Variants in ZNF568 observed in about 807,000 individuals in gnomAD.
ZNF568 encodes p53 inhibitor of SCO2 activation.
Under a neutral mutation model 18.1 loss-of-function variants are expected in ZNF568, and 11 were observed. That is an observed-to-expected ratio of 0.61 (90% CI 0.38 to 1.00). The LOEUF is 1.00. ZNF568 is among the 50% of genes least tolerant of loss of function. ZNF568 has a pLI of 0.01. For synonymous variants in ZNF568, 213 were observed against 246.6 expected, an observed-to-expected ratio of 0.86 and a Z score of 1.28; for missense variants, 639 against 768.2, an observed-to-expected ratio of 0.83 and a Z score of 1.99.
chr19:36,938,012 A>G (rs974886569), intron 6 of ZNF568, among the ~76,000 whole-genome samples: 2 of 151,836 alleles, frequency 1.3e-5, no homozygotes, highest in Non-Finnish European at 2.9e-5. Context: ...GCTATTTTTG[A>G]TTATTTATTT....
In ZNF568 at chr19:36,936,880, G is replaced by A. The variant is rs913371639; in HGVS notation, c.262+8G>A. Reference sequence around the variant, plus strand: ...GCAACCTAGTCACAGTGGGTAAGGTGGCTTGGTAGCCTTGCAATTTAACAG... The same window carrying A: ...GCAACCTAGTCACAGTGGGTAAGGTAGCTTGGTAGCCTTGCAATTTAACAG... On this transcript the variant is annotated splice_region_variant and intron_variant, in intron 5 of 6. Coordinates refer to ENST00000333987, the MANE Select transcript of ZNF568 (RefSeq NM_198539.4). The A allele has an allele frequency of 2.5e-6, 4 of 1,610,048 alleles. No homozygotes were observed. Among genetic ancestry groups the A allele is most frequent in the African/African-American group, 1.3e-5 (1 of 74,802 alleles).
chr19:36,997,595 G>A (rs891218514), downstream of ZNF568: 1 of 1,563,288 alleles, frequency 6.4e-7, no homozygotes, highest in Non-Finnish European at 8.6e-7. Flanking sequence ...TCAGAACTTA[G>A]TTGACACCAG....
At chr19:36,994,192 T>C (rs930408448) in intron 4 of ZNF568, among the ~76,000 whole-genome samples, 1 of 152,208 alleles carries the variant, frequency 6.6e-6, no homozygotes, top group Non-Finnish European at 1.5e-5. Flanking sequence ...GTATGTTATT[T>C]AATTTTCACG....
At chr19:36,927,858 G>GTATA (rs1280560215) in intron 4 of ZNF568, among the ~76,000 whole-genome samples, 9 of 30,688 alleles carry the variant, frequency 2.9e-4, no homozygotes, top group Non-Finnish European at 4.5e-4. Flanking sequence ...GTGTGTGTGT[G>GTATA]TGTATATATA....
At chr19:36,986,360 TC>T (rs2074376837) in intron 2 of ZNF568, among the ~76,000 whole-genome samples, 1 of 152,082 alleles carries the variant, frequency 6.6e-6, no homozygotes, top group South Asian at 2.1e-4. Flanking sequence ...CTCCACCTGC[TC>T]CTTAATATCA....
intron 6 of ZNF568, among the ~76,000 whole-genome samples, chr19:36,959,731 G>A (rs2074133759): frequency 6.6e-6 from 1 of 151,942 alleles, no homozygotes; most frequent in Non-Finnish European, 1.5e-5. Context: ...TTCAGTCTTG[G>A]TAAGTTTTAT....
At chr19:36,945,732 A>T (rs987649927) in intron 6 of ZNF568, among the ~76,000 whole-genome samples, 3 of 55,102 alleles carry the variant, frequency 5.4e-5, no homozygotes, top group African/African-American at 1.6e-4. Flanking sequence ...GAAATGTGTG[A>T]TTATATGTGT....
intron 7 of ZNF568, among the ~76,000 whole-genome samples, chr19:36,978,282 T>C (rs2074301663): frequency 6.6e-6 from 1 of 152,246 alleles, no homozygotes; most frequent in Admixed American, 6.5e-5. Context: ...GCAAAGATGA[T>C]GTGTTTAGTC....
At chr19:36,989,510 C>A (rs1428772056) in intron 2 of ZNF568, among the ~76,000 whole-genome samples, 2 of 152,122 alleles carry the variant, frequency 1.3e-5, no homozygotes, top group Non-Finnish European at 2.9e-5. Flanking sequence ...AAGGGCCCCT[C>A]TGTTCTCCAA....
exon 7 of ZNF568, chr19:36,974,430 A>G (rs1851824301): frequency 6.5e-7 from 1 of 1,536,122 alleles, no homozygotes; most frequent in Admixed American, 2.0e-5. Context: ...AACCCAGAAG[A>G]GGAGAGAACT....
intron 6 of ZNF568, among the ~76,000 whole-genome samples, chr19:36,942,684 T>C (rs1056704041): frequency 4.0e-5 from 6 of 151,700 alleles, no homozygotes; most frequent in Non-Finnish European, 8.8e-5. Flanking sequence ...GTTACCGACA[T>C]TTTCTTAGAT....
intron 3 of ZNF568, among the ~76,000 whole-genome samples, chr19:36,923,625 G>T (rs2073496151): frequency 6.6e-6 from 1 of 151,080 alleles, no homozygotes; most frequent in Admixed American, 6.6e-5. Flanking sequence ...GTCTCATTCA[G>T]TTTATCTAGA....
intron 2 of ZNF568, among the ~76,000 whole-genome samples, chr19:36,985,046 A>G (rs1358399399): frequency 6.6e-6 from 1 of 151,966 alleles, no homozygotes; most frequent in Non-Finnish European, 1.5e-5. Context: ...TCCTTCTAGA[A>G]CTTCAGTTAA....
intron 4 of ZNF568, among the ~76,000 whole-genome samples, chr19:36,992,400 G>A (rs988051809): frequency 2.0e-5 from 3 of 152,064 alleles, no homozygotes; most frequent in Non-Finnish European, 4.4e-5. Context: ...TACTTGGGAG[G>A]CTGAAGCAGG....
chr19:36,971,828 C>T (rs1175104531), intron 6 of ZNF568, among the ~76,000 whole-genome samples: 2 of 145,116 alleles, frequency 1.4e-5, no homozygotes, highest in African/African-American at 2.6e-5. Flanking sequence ...CGAGCCACTG[C>T]GCCTGACCTA....
At chr19:36,974,019 C>T (rs1016061941) in intron 6 of ZNF568, among the ~76,000 whole-genome samples, 1 of 152,206 alleles carries the variant, frequency 6.6e-6, no homozygotes, top group Non-Finnish European at 1.5e-5. Flanking sequence ...CTGCTATATC[C>T]ACTTCTCTGT....
intron 6 of ZNF568, among the ~76,000 whole-genome samples, chr19:36,945,674 G>A (rs2073951339): frequency 6.6e-6 from 1 of 151,794 alleles, no homozygotes; most frequent in Non-Finnish European, 1.5e-5. Context: ...TGTTGTTCAA[G>A]GGCCAACTGT....
chr19:36,947,798 A>T (rs1006135510), intron 6 of ZNF568, among the ~76,000 whole-genome samples: 3 of 152,126 alleles, frequency 2.0e-5, no homozygotes, highest in Non-Finnish European at 4.4e-5. Context: ...TTAAATTAAT[A>T]AACTTCATCT....
At chr19:36,987,208 G>T (rs572086914) in intron 2 of ZNF568, among the ~76,000 whole-genome samples, 2 of 152,270 alleles carry the variant, frequency 1.3e-5, no homozygotes, top group South Asian at 2.1e-4. Flanking sequence ...AGAATGTCAG[G>T]CAGGAAGGCC....
Sources: allele counts gnomAD v4.1 joint callset (sites outside exome capture counted in the v4.1 genomes callset), GRCh38; gene constraint gnomAD v4.1.1; transcripts MANE v1.5; gene names NCBI Gene and HGNC (gene_info 2026-07-23, HGNC 2026-07-21).